The following HERC2 variants were observed in gnomAD, a reference collection of about 807,000 sequenced individuals.
The protein encoded by HERC2 is E3 ubiquitin-protein ligase HERC2.
A neutral mutation model predicts 537.7 loss-of-function variants in HERC2; 102 were observed. That is an observed-to-expected ratio of 0.19 (90% CI 0.16 to 0.22). HERC2 has a LOEUF of 0.22. Ranked by LOEUF, HERC2 falls within the 10% of genes least tolerant of loss-of-function variation. HERC2 has a pLI of 1.00. For missense variants in HERC2, 4,236 were observed against 6,198.2 expected (o/e 0.68, Z 10.63); for synonymous variants, 2,224 against 2,466.2 (o/e 0.90, Z 2.91).
intron 69 of HERC2, among the ~76,000 whole-genome samples, chr15:28,157,433 G>A (rs1026891049): frequency 5.3e-5 from 8 of 152,182 alleles, no homozygotes; most frequent in African/African-American, 1.9e-4. Context: ...CCTGTTACTG[G>A]TCTATTCAGA....
intron 20 of HERC2, among the ~76,000 whole-genome samples, chr15:28,250,518 C>T (rs1465924419): frequency 1.3e-5 from 2 of 152,212 alleles, no homozygotes; most frequent in Non-Finnish European, 1.5e-5. Context: ...ATGGGGTTCA[C>T]TACTTATAAA....
chr15:28,233,736 A>G lies in HERC2; in HGVS notation c.4279T>C (p.Phe1427Leu), dbSNP rs776904837. The G allele has an allele frequency of 1.2e-6, 2 of 1,613,210 alleles. No homozygotes were observed. The highest frequency in any genetic ancestry group is 1.3e-5 in the African/African-American group (1 of 75,040). ...TCTTCCACGGGATGCTCGGGGGGAA[A>G]CATGATCGGTGTGGTCAAATGGCAC... is the stretch of plus-strand genomic sequence containing the variant. ...RQCHLTTPIMFPPEHPVEEVG... is the reference protein window; with the variant it reads ...RQCHLTTPIMLPPEHPVEEVG... The change falls in exon 28 of 93, where the codon TTT becomes CTT. Residue 1427 changes from phenylalanine (F) to leucine (L), a missense_variant. Phe to Leu is a conservative substitution (Grantham distance 22). Transcript: ENST00000261609.
intron 37 of HERC2, 46 bp from the exon 38 acceptor site, chr15:28,218,717 T>C (rs1029543638): frequency 6.9e-7 from 1 of 1,439,298 alleles, no homozygotes; most frequent in Non-Finnish European, 9.7e-7. Context: ...CAAGTAAAAC[T>C]GGAAGATAGT....
chr15:28,163,561 G>A (rs1209156591), intron 68 of HERC2, among the ~76,000 whole-genome samples: 1 of 152,110 alleles, frequency 6.6e-6, no homozygotes, highest in Non-Finnish European at 1.5e-5. Flanking sequence ...ATTTATTACT[G>A]GGACCAAGTT....
chr15:28,178,966 A>G lies in HERC2; in HGVS notation c.9084T>C (p.Ile3028=). Residue 3028 remains isoleucine (I), a synonymous_variant, in exon 59 of 93, where the codon ATT becomes ATC. Transcript: ENST00000261609. ...EATNGRLGLG[I]SSGTVPIPRQ... The stretch of plus-strand genomic sequence containing the variant: ...GTGGGATGGGCACCGTCCCGCTGGA[A>G]ATGCCCAGCCCCAGCCGGCCATTCG... The G allele has an allele frequency of 6.2e-7, 1 of 1,614,208 alleles. No individual in the cohort carries two copies. The highest frequency in any genetic ancestry group is 8.5e-7 in the Non-Finnish European group (1 of 1,180,038).
At chr15:28,173,791 C>CAAAAA (rs756958450) in intron 65 of HERC2, among the ~76,000 whole-genome samples, 1 of 70,948 alleles carries the variant, frequency 1.4e-5, no homozygotes, top group African/African-American at 4.3e-5. Context: ...ACCCTGTCTA[C>CAAAAA]AAAAAAAAAA....
chr15:28,190,738 C>A (rs1194385556), intron 55 of HERC2: 2 of 574,374 alleles, frequency 3.5e-6, no homozygotes, highest in Non-Finnish European at 6.1e-6. Context: ...ACCTCTGCTA[C>A]CAAAGAGAGT....
chr15:28,149,308 C>T (rs1301793810), intron 70 of HERC2, among the ~76,000 whole-genome samples: 4 of 151,054 alleles, frequency 2.6e-5, no homozygotes, highest in African/African-American at 9.7e-5. Context: ...CTCCTGAGAA[C>T]ATCACCGAAA....
At chr15:28,315,537 G>A in intron 2 of HERC2, 2 of 420,842 alleles carry the variant, frequency 4.8e-6, no homozygotes, top group South Asian at 2.0e-5. Context: ...GTTCATGCTT[G>A]TACTCCCAGC....
At chr15:28,314,980 G>GTTA (rs1389045417) in intron 2 of HERC2, among the ~76,000 whole-genome samples, 1 of 152,204 alleles carries the variant, frequency 6.6e-6, no homozygotes, top group African/African-American at 2.4e-5. Context: ...AAGGTGAGTT[G>GTTA]TTATAAAAGA....
chr15:28,183,902 T>C (rs1387536712), intron 56 of HERC2, among the ~76,000 whole-genome samples: 1 of 152,168 alleles, frequency 6.6e-6, no homozygotes, highest in Non-Finnish European at 1.5e-5. Context: ...AAAATATGTA[T>C]GGGGACCAGG....
chr15:28,246,449 T>C (rs1903714856), intron 22 of HERC2, among the ~76,000 whole-genome samples: 1 of 152,126 alleles, frequency 6.6e-6, no homozygotes, highest in Non-Finnish European at 1.5e-5. Flanking sequence ...GTACCTAATT[T>C]TTATTATGCT....
chr15:28,215,861 A>G (rs1400321418), intron 38 of HERC2, 59 bp from the exon 39 acceptor site: 21 of 1,027,896 alleles, frequency 2.0e-5, no homozygotes, highest in Non-Finnish European at 2.9e-5. Flanking sequence ...ATCCCTAAAG[A>G]TATATCCTTA....
rs2075557161 is a variant in HERC2, at chr15:28,265,994, A to G, written c.1599-20T>C. The G allele has an allele frequency of 6.2e-7, 1 of 1,612,036 alleles. No individual in the cohort carries two copies. The highest frequency in any genetic ancestry group is 1.1e-5 in the South Asian group (1 of 90,942). ...AAAGGCCTTGGGGAGAAAGGGAACA[A>G]ACATGAATGCCCTTCTTCTTGGTGT... On this transcript the variant is annotated intron_variant, in intron 12 of 92. Transcript: ENST00000261609. This position sits in a 1 kb window ranked among gnomAD's most constrained non-coding sequence, Gnocchi z 4.0.
intron 70 of HERC2, among the ~76,000 whole-genome samples, chr15:28,150,442 C>T (rs1435512283): frequency 6.6e-6 from 1 of 150,458 alleles, no homozygotes; most frequent in African/African-American, 2.5e-5. Flanking sequence ...TCACCGACAA[C>T]GGCCACACGA....
At chr15:28,216,079 G>A (rs1203641482) in intron 38 of HERC2, among the ~76,000 whole-genome samples, 1 of 151,942 alleles carries the variant, frequency 6.6e-6, no homozygotes, top group African/African-American at 2.4e-5. Context: ...GGGTTCAAGT[G>A]ATTCTCCTGC....
At chr15:28,140,363 G>A (rs1274454202) in intron 78 of HERC2, among the ~76,000 whole-genome samples, 2 of 152,100 alleles carry the variant, frequency 1.3e-5, no homozygotes, top group Admixed American at 6.5e-5. Flanking sequence ...ATAAAAGAGA[G>A]GTAGGCTAGA....
At chr15:28,115,683 G>C in intron 88 of HERC2, 142 bp from the exon 89 acceptor site, 1 of 617,182 alleles carries the variant, frequency 1.6e-6, no homozygotes. Flanking sequence ...CATAGGTCTA[G>C]GCCCTTCCTC....
intron 90 of HERC2, 94 bp downstream of exon 90, chr15:28,114,518 G>A: frequency 9.0e-7 from 1 of 1,114,492 alleles, no homozygotes; most frequent in Non-Finnish European, 1.3e-6. Context: ...ACTTTACTGT[G>A]TATGACACTC....
Sources: gnomAD v4.1 joint callset for allele counts (sites outside exome capture counted in the v4.1 genomes callset) on GRCh38, gnomAD v4.1.1 for gene constraint, Gnocchi (gnomAD v3.1) non-coding constraint, MANE v1.5 for transcripts, NCBI Gene and HGNC (gene_info 2026-07-23, HGNC 2026-07-21) for gene names.